The following KALRN variants were observed in gnomAD, a reference collection of about 807,000 sequenced individuals.
KALRN encodes kalirin.
Under a neutral mutation model 353.7 loss-of-function variants are expected in KALRN, and 70 were observed. The observed-to-expected ratio is 0.20, with a 90% CI of 0.16 to 0.24. KALRN has a LOEUF of 0.24. Among genes scored for constraint, KALRN ranks in the 10% least tolerant of loss-of-function variants. The probability of loss-of-function intolerance (pLI) is 1.00; values close to 1 mark genes in which losing one functional copy is unlikely to be tolerated. For missense variants in KALRN, 2,791 were observed against 3,756.7 expected (o/e 0.74, Z 6.72); for synonymous variants, 1,391 against 1,434.8 (o/e 0.97, Z 0.69).
At position 124,422,867 on chromosome 3, in the gene KALRN, A is replaced by G; in HGVS notation, c.2598A>G (p.Leu866=). 2 of 1,613,978 alleles carry G rather than the reference A, an allele frequency of 1.2e-6. No homozygotes were observed. The highest frequency in any genetic ancestry group is 1.1e-5 in the South Asian group (1 of 91,086). The change falls in exon 15 of 60, where the codon TTA becomes TTG. Residue 866 remains leucine (L), a synonymous_variant. Coordinates refer to ENST00000682506, the MANE Select transcript of KALRN (RefSeq NM_001388419.1). ...ATCTGGCAGCCCAGGTGCAAGAGTTATTGGAATTTCTCCATGAGAAGCAGC... is the reference window on the plus strand; with the variant it reads ...ATCTGGCAGCCCAGGTGCAAGAGTTGTTGGAATTTCTCCATGAGAAGCAGC... ...DIDLAAQVQE[L]LEFLHEKQHE... is the part of the protein sequence containing the mutation.
Position 124,724,212 on chromosome 3 carries a change from A to G in KALRN, c.*4742A>G, listed in dbSNP as rs1259546118. On this transcript the variant is annotated 3_prime_UTR_variant, in exon 60 of 60. Coordinates refer to ENST00000682506, the MANE Select transcript of KALRN (RefSeq NM_001388419.1). Reference sequence around the variant, plus strand: ...ATGATATAAACTAAATTTTGCATTAACTAAAACTTTGTCCCATGCATTTAA... The same window carrying G: ...ATGATATAAACTAAATTTTGCATTAGCTAAAACTTTGTCCCATGCATTTAA... The G allele has an allele frequency of 1.3e-5, 2 of 152,162 alleles. No individual in the cohort carries two copies. The highest frequency in any genetic ancestry group is 4.8e-5 in the African/African-American group (2 of 41,440). 9.4% of individuals were successfully genotyped at this position (152,162 alleles called of 1,614,324 possible). A position where few individuals can be genotyped will look rare whatever the true frequency, so the allele number is the denominator to read the frequency against.
intron 1 of KALRN, among the ~76,000 whole-genome samples, chr3:124,072,676 G>A (rs1440425077): frequency 6.6e-6 from 1 of 152,224 alleles, no homozygotes; most frequent in Non-Finnish European, 1.5e-5. Context: ...GGACCAGGAG[G>A]TGTTTTGCAA....
At chr3:124,455,148 C>A (rs1560995651) in intron 21 of KALRN, 29 bp from the exon 22 acceptor site, 1 of 1,611,978 alleles carries the variant, frequency 6.2e-7, no homozygotes, top group Non-Finnish European at 8.5e-7. Flanking sequence ...AAATGTAATC[C>A]AGTAACTTAA....
intron 1 of KALRN, among the ~76,000 whole-genome samples, chr3:124,038,257 A>G (rs547167726): frequency 5.3e-5 from 8 of 152,240 alleles, no homozygotes; most frequent in African/African-American, 1.7e-4. Context: ...ATGATGAAAG[A>G]AAGACCCTGT....
In KALRN at chr3:124,268,987, A is replaced by G; in HGVS notation, c.701A>G (p.Gln234Arg). 1.2e-6 allele frequency: 2 copies of G among 1,614,082 alleles called. No homozygotes were observed. The highest frequency in any genetic ancestry group is 1.7e-6 in the Non-Finnish European group (2 of 1,179,992). ...CGGCGGCTCATTGACGAACACACAC[A>G]GCTCAAGAAAAAGGTGCTGAAGGCC... ...GSRRLIDEHTQLKKKVLKAPV... is the reference protein window; with the variant it reads ...GSRRLIDEHTRLKKKVLKAPV... Residue 234 changes from glutamine (Q) to arginine (R), a missense_variant, in exon 5 of 60, where the codon CAG becomes CGG. By Grantham distance (43) the Gln-to-Arg change is conservative (BLOSUM62 1). This residue lies in a region of KALRN where 366 missense variants were observed against 489.2 expected (regional missense o/e 0.75). Coordinates refer to ENST00000682506, the MANE Select transcript of KALRN (RefSeq NM_001388419.1).
chr3:124,390,693 A>G (rs1352673884), intron 11 of KALRN, among the ~76,000 whole-genome samples: 3 of 152,146 alleles, frequency 2.0e-5, no homozygotes, highest in Admixed American at 1.3e-4. Flanking sequence ...GATTGTTGAT[A>G]TCATTATTGT....
chr3:124,594,046 A>T (rs949437469), intron 34 of KALRN, among the ~76,000 whole-genome samples: 2 of 152,166 alleles, frequency 1.3e-5, no homozygotes, highest in African/African-American at 4.8e-5. Context: ...ATCAAAACTT[A>T]GGCAAACAAA....
chr3:124,541,796 G>A (rs925926377), intron 33 of KALRN, among the ~76,000 whole-genome samples: 15 of 152,238 alleles, frequency 9.9e-5, no homozygotes, highest in African/African-American at 3.6e-4. Context: ...GGAGGCTGAG[G>A]CAGGAGAATT....
chr3:124,231,725 A>G (rs2079179870), intron 2 of KALRN, among the ~76,000 whole-genome samples: 1 of 150,998 alleles, frequency 6.6e-6, no homozygotes, highest in Non-Finnish European at 1.5e-5. Flanking sequence ...TTTTTTTTTA[A>G]TCTGGCATTT....
At chr3:124,358,072 T>A (rs2083617390) in intron 10 of KALRN, among the ~76,000 whole-genome samples, 1 of 152,210 alleles carries the variant, frequency 6.6e-6, no homozygotes, top group Non-Finnish European at 1.5e-5. Context: ...GACTGCCCTG[T>A]GCTGGGGGTC....
chr3:124,701,044 C>T (rs902738801), intron 56 of KALRN, among the ~76,000 whole-genome samples: 2 of 152,228 alleles, frequency 1.3e-5, no homozygotes, highest in Admixed American at 1.3e-4. Context: ...AGGGAACTGG[C>T]TCCAGGGTCA....
At chr3:124,231,906 C>A (rs560012378) in intron 2 of KALRN, among the ~76,000 whole-genome samples, 4 of 152,272 alleles carry the variant, frequency 2.6e-5, no homozygotes, top group African/African-American at 9.6e-5. Flanking sequence ...TGATCAAATC[C>A]TATAGCTTCA....
chr3:124,346,808 G>A (rs924140104), intron 9 of KALRN, among the ~76,000 whole-genome samples: 1 of 152,204 alleles, frequency 6.6e-6, no homozygotes, highest in African/African-American at 2.4e-5. Flanking sequence ...ATATCTTTAT[G>A]TGATTGGGTA....
At position 124,672,890 on chromosome 3, in the gene KALRN, A is replaced by G. The variant is rs147618788; in HGVS notation, c.6942+992A>G. 3.5e-3 allele frequency among the ~76,000 whole-genome samples: 535 copies of G among 152,312 alleles called. 6 individuals carry two copies. The highest frequency in any genetic ancestry group is 0.012 in the African/African-American group (483 of 41,570). On this transcript the variant is annotated intron_variant, in intron 48 of 59. Transcript: ENST00000682506. ...ATAGGAACACTTACATTTTTTATCT[A>G]CATGTTCCAGTTTTATAGTTTTATT...
At chr3:124,257,272 G>C (rs1002365141) in intron 3 of KALRN, among the ~76,000 whole-genome samples, 4 of 152,216 alleles carry the variant, frequency 2.6e-5, no homozygotes, top group African/African-American at 9.7e-5. Flanking sequence ...ACACCTAAGA[G>C]TGCTTAACTG....
At chr3:124,664,651 C>T (rs916374331) in intron 45 of KALRN, among the ~76,000 whole-genome samples, 11 of 152,122 alleles carry the variant, frequency 7.2e-5, no homozygotes, top group Admixed American at 2.0e-4. Context: ...CCTGGTGATC[C>T]GCCGGCCTTG....
chr3:124,476,775 C>T (rs913681094), intron 26 of KALRN, among the ~76,000 whole-genome samples: 7 of 152,140 alleles, frequency 4.6e-5, no homozygotes, highest in South Asian at 4.2e-4. Context: ...CTTGCCATGC[C>T]CCTCAACCTT....
At chr3:124,512,294 T>G (rs1443804388) in intron 33 of KALRN, among the ~76,000 whole-genome samples, 1 of 152,226 alleles carries the variant, frequency 6.6e-6, no homozygotes, top group Non-Finnish European at 1.5e-5. Flanking sequence ...AGCTGTAGCC[T>G]GGAGTTATTT....
intron 3 of KALRN, among the ~76,000 whole-genome samples, chr3:124,244,822 C>A (rs1185834813): frequency 6.6e-6 from 1 of 151,700 alleles, no homozygotes; most frequent in African/African-American, 2.4e-5. Flanking sequence ...CAATCATGGG[C>A]TTTTTTTAGT....
Sources: gnomAD v4.1 joint callset for allele counts (sites outside exome capture counted in the v4.1 genomes callset) on GRCh38, gnomAD v4.1.1 for gene constraint, gnomAD v4.1.1 regional missense constraint, MANE v1.5 for transcripts, NCBI Gene and HGNC (gene_info 2026-07-23, HGNC 2026-07-21) for gene names.